HECW1: variants seen among roughly 807,000 people sequenced by gnomAD.
The protein encoded by HECW1 is E3 ubiquitin-protein ligase HECW1.
A neutral mutation model predicts 182.3 loss-of-function variants in HECW1; 61 were observed. The ratio of observed to expected loss-of-function variants is 0.33; its 90% CI spans 0.27 to 0.41. The LOEUF (loss-of-function observed/expected upper bound fraction) is 0.41, where lower values mean the gene tolerates loss of function less well. Among genes scored for constraint, HECW1 ranks in the 10% least tolerant of loss-of-function variants. HECW1 has a pLI of 1.00. For missense variants in HECW1, 1,739 were observed against 2,108.9 expected (o/e 0.82, Z 3.44); for synonymous variants, 859 against 832.6 (o/e 1.03, Z -0.55).
At chr7:43,217,195 C>T (rs772195498) in intron 2 of HECW1, among the ~76,000 whole-genome samples, 28 of 152,094 alleles carry the variant, frequency 1.8e-4, no homozygotes, top group Non-Finnish European at 2.8e-4. Flanking sequence ...TTTTTTAATA[C>T]TGGAATAAAT....
chr7:43,508,830 A>G, intron 23 of HECW1, 139 bp from the exon 24 acceptor site: 1 of 770,788 alleles, frequency 1.3e-6, no homozygotes, highest in Non-Finnish European at 2.1e-6. Context: ...TGCCATTGGC[A>G]TTCACTCCAA....
rs984831576 is a variant in HECW1 at position 43,137,432 on chromosome 7, C to T, written c.-32+23041C>T. ...TTCCTGCCTCTCTCTAAAATGGATA[C>T]TCATCAGTAGATTCCGCACATTCCA... On this transcript the variant is annotated intron_variant, in intron 2 of 29. Coordinates refer to ENST00000395891, the MANE Select transcript of HECW1 (RefSeq NM_015052.5). Among the ~76,000 whole-genome samples, 4 of 152,208 alleles carry T rather than the reference C, an allele frequency of 2.6e-5. 1 individual carries two copies. The South Asian group carries it at 8.3e-4, about 31-fold the overall frequency.
intron 11 of HECW1, among the ~76,000 whole-genome samples, chr7:43,449,086 G>C (rs1352610427): frequency 6.6e-6 from 1 of 152,222 alleles, no homozygotes. Flanking sequence ...GCTTGGAGGA[G>C]TAATTAACCT....
intron 11 of HECW1, 125 bp from the exon 12 acceptor site, chr7:43,450,703 C>A: frequency 1.5e-6 from 1 of 655,538 alleles, no homozygotes. Context: ...CTGACACACA[C>A]ACACAAATGG....
At chr7:43,244,978 C>CGAGAA (rs1421030393) in intron 3 of HECW1, among the ~76,000 whole-genome samples, 1 of 152,230 alleles carries the variant, frequency 6.6e-6, no homozygotes, top group Non-Finnish European at 1.5e-5. Flanking sequence ...GGCAGCTTCT[C>CGAGAA]CTCTGCCACA....
intron 6 of HECW1, among the ~76,000 whole-genome samples, chr7:43,365,091 C>G (rs1360650640): frequency 6.6e-6 from 1 of 152,216 alleles, no homozygotes; most frequent in African/African-American, 2.4e-5. Flanking sequence ...TCACATCCTC[C>G]TCTTCCCACT....
At chr7:43,471,767 A>G (rs1360165263) in intron 16 of HECW1, among the ~76,000 whole-genome samples, 1 of 152,238 alleles carries the variant, frequency 6.6e-6, no homozygotes, top group Non-Finnish European at 1.5e-5. Flanking sequence ...TGTGGCAGAC[A>G]TGAGACCAAG....
intron 3 of HECW1, among the ~76,000 whole-genome samples, chr7:43,289,364 C>T (rs2152753794): frequency 6.6e-6 from 1 of 152,332 alleles, no homozygotes; most frequent in Admixed American, 6.5e-5. Context: ...TTTGGCCTCC[C>T]AAAGTGCTGG....
At position 43,444,402 on chromosome 7, in the gene HECW1, A is replaced by T; in HGVS notation, c.1230A>T (p.Ile410=). 13 of 1,614,092 alleles carry T rather than the reference A, an allele frequency of 8.1e-6. No homozygotes were observed. The highest frequency in any genetic ancestry group is 1.1e-5 in the Non-Finnish European group (13 of 1,179,992). ...CCGATGGTCCAGGGAACCAAAGCAT[A>T]GAGCTTTCCAGACCAGCTGAGGAAG... ...SVPDGPGNQS[I]ELSRPAEEAA... Residue 410 remains isoleucine (I), a synonymous_variant, in exon 11 of 30, where the codon ATA becomes ATT. Coordinates refer to ENST00000395891, the MANE Select transcript of HECW1 (RefSeq NM_015052.5). This position sits in a 1 kb window ranked among gnomAD's most constrained non-coding sequence, Gnocchi z 4.3.
rs1159360230 is a variant in HECW1 at position 43,466,541 on chromosome 7, G to GTTC, written c.2890_2892dup (p.Phe964dup). The GTTC allele has an allele frequency of 5.6e-6, 9 of 1,613,818 alleles. No individual in the cohort carries two copies. Among genetic ancestry groups the GTTC allele is most frequent in the African/African-American group, 1.3e-5 (1 of 74,924 alleles). On this transcript the variant is annotated inframe_insertion, in exon 15 of 30. Coordinates refer to ENST00000395891, the MANE Select transcript of HECW1 (RefSeq NM_015052.5). ...CGGTCAAGTTCATCACCAACCCCGA[G>GTTC]TTCTTCACTGTGCTACATGCCAATT... is the stretch of plus-strand genomic sequence containing the variant.
chr7:43,120,253 G>A (rs1167710554), intron 2 of HECW1, among the ~76,000 whole-genome samples: 2 of 152,108 alleles, frequency 1.3e-5, no homozygotes, highest in African/African-American at 4.8e-5. Flanking sequence ...CCCTTGACCT[G>A]GAGGGACGGT....
At position 43,488,423 on chromosome 7, in the gene HECW1, AAAGAAAGAAAG is replaced by A. The variant is rs1195992324; in HGVS notation, c.3235-3650_3235-3640del. Among the ~76,000 whole-genome samples, 38 of 67,274 alleles carry A rather than the reference AAAGAAAGAAAG, an allele frequency of 5.6e-4. 1 individual carries two copies. The highest frequency in any genetic ancestry group is 1.3e-3 in the African/African-American group (34 of 27,176). The allele number at this position is 67,274 out of a possible 152,430, so 44.1% of individuals were successfully genotyped here. Reference sequence around the variant, plus strand: ...GGAAATGAAAGAAAGAGAGAGAGAGAAAGAAAGAAAGAGAAAGAAAGAAAGAAAGAAAGAAA... The same window carrying A: ...GGAAATGAAAGAAAGAGAGAGAGAGAAGAAAGAAAGAAAGAAAGAAAGAAA... On this transcript the variant is annotated intron_variant, in intron 17 of 29. Transcript: ENST00000395891.
chr7:43,435,662 T>G (rs2076686588), intron 8 of HECW1, among the ~76,000 whole-genome samples: 1 of 152,194 alleles, frequency 6.6e-6, no homozygotes, highest in Non-Finnish European at 1.5e-5. Flanking sequence ...TTTTTGCCTC[T>G]GTCACTGTAA....
At chr7:43,296,711 A>G (rs1400179991) in intron 3 of HECW1, among the ~76,000 whole-genome samples, 1 of 152,198 alleles carries the variant, frequency 6.6e-6, no homozygotes, top group Non-Finnish European at 1.5e-5. Context: ...AGTAAGGCTG[A>G]TGAGTTCATT....
At chr7:43,324,778 T>C (rs1354297562) in intron 5 of HECW1, among the ~76,000 whole-genome samples, 1 of 152,246 alleles carries the variant, frequency 6.6e-6, no homozygotes, top group Non-Finnish European at 1.5e-5. Flanking sequence ...AAGCTCATTC[T>C]TTCTACCTGG....
chr7:43,266,661 C>A (rs1801838414), intron 3 of HECW1, among the ~76,000 whole-genome samples: 1 of 152,060 alleles, frequency 6.6e-6, no homozygotes, highest in South Asian at 2.1e-4. Context: ...AACTTCTATG[C>A]CAGGAACTAG....
At position 43,211,654 on chromosome 7, in the gene HECW1, T is replaced by C. The variant is rs145454467; in HGVS notation, c.-31-32221T>C. Among the ~76,000 whole-genome samples the C allele has an allele frequency of 2.3e-3, 351 of 152,316 alleles. 1 individual carries two copies. The highest frequency in any genetic ancestry group is 3.5e-3 in the Admixed American group (54 of 15,306). On this transcript the variant is annotated intron_variant, in intron 2 of 29. Coordinates refer to ENST00000395891, the MANE Select transcript of HECW1 (RefSeq NM_015052.5). ...ACCTGCTAGAATAAACCTGTGTTCA[T>C]AATAACCCTTCACAAAAGGGGGGCG...
Position 43,565,582 on chromosome 7 carries a change from T to TTTTTTA in HECW1, c.*3658_*3659insTTTATT, listed in dbSNP as rs1554475196. On this transcript the variant is annotated 3_prime_UTR_variant, in exon 30 of 30. Coordinates refer to ENST00000395891, the MANE Select transcript of HECW1 (RefSeq NM_015052.5). Reference sequence around the variant, plus strand: ...CTTTATTATTATTATTATTATTATTTTTATTATTATTATTATTACGTACTT... The same window carrying TTTTTTA: ...CTTTATTATTATTATTATTATTATTTTTTTTATTATTATTATTATTATTACGTACTT... 1 of 161,090 alleles carries TTTTTTA rather than the reference T, an allele frequency of 6.2e-6. No homozygotes were observed. Among genetic ancestry groups the TTTTTTA allele is most frequent in the African/African-American group, 2.5e-5 (1 of 40,302 alleles). 10.0% of individuals were successfully genotyped at this position (161,090 alleles called of 1,614,324 possible). A position where few individuals can be genotyped will look rare whatever the true frequency, so the allele number is the denominator to read the frequency against.
At chr7:43,113,239 C>T (rs1436473802) in intron 1 of HECW1, among the ~76,000 whole-genome samples, 1 of 152,188 alleles carries the variant, frequency 6.6e-6, no homozygotes, top group Non-Finnish European at 1.5e-5. Flanking sequence ...CGCAGCGCCT[C>T]CCCCGCCCCT....
Sources: allele counts gnomAD v4.1 joint callset (sites outside exome capture counted in the v4.1 genomes callset), GRCh38; gene constraint gnomAD v4.1.1; non-coding constraint Gnocchi (gnomAD v3.1); transcripts MANE v1.5; gene names NCBI Gene and HGNC (gene_info 2026-07-23, HGNC 2026-07-21).